The following ARIH2 variants were observed in gnomAD, a reference collection of about 807,000 sequenced individuals.
ARIH2 encodes ariadne RBR E3 ubiquitin protein ligase 2, also known as E3 ubiquitin-protein ligase ARIH2.
Under a neutral mutation model 79.8 loss-of-function variants are expected in ARIH2, and 12 were observed. The ratio of observed to expected loss-of-function variants is 0.15; its 90% CI spans 0.10 to 0.24. The LOEUF is 0.24. Ranked by LOEUF, ARIH2 falls within the 10% of genes least tolerant of loss-of-function variation. The pLI is 1.00. For synonymous variants in ARIH2, 224 were observed against 213.9 expected, an observed-to-expected ratio of 1.05 and a Z score of -0.41; for missense variants, 301 against 618.3, an observed-to-expected ratio of 0.49 and a Z score of 5.44.
chr3:48,929,239 G>T (rs1369196945), intron 3 of ARIH2, among the ~76,000 whole-genome samples: 2 of 152,124 alleles, frequency 1.3e-5, no homozygotes, highest in African/African-American at 4.8e-5. Flanking sequence ...CTATACACAA[G>T]AATTCTCAGA....
intron 1 of ARIH2, chr3:48,919,282 T>G: frequency 4.7e-6 from 5 of 1,071,368 alleles, no homozygotes; most frequent in Non-Finnish European, 6.0e-6. Flanking sequence ...CCTCTCTCCC[T>G]GTCTGGCGCG....
intron 3 of ARIH2, among the ~76,000 whole-genome samples, chr3:48,960,741 G>C (rs940450879): frequency 1.3e-5 from 2 of 149,670 alleles, no homozygotes; most frequent in Admixed American, 1.3e-4. Context: ...TCCAGCCTGG[G>C]TGACAAAGAC....
At position 48,980,430 on chromosome 3, in the gene ARIH2, C is replaced by G; in HGVS notation, c.1191C>G (p.Val397=). ...QRIHEKIQER[V]MNNLGTWIDW... is the part of the protein sequence containing the mutation. ...TTCACGAGAAGATTCAGGAGAGGGT[C>G]ATGAACAATCTGGGGACATGGATCG... Residue 397 remains valine, a synonymous_variant, in exon 13 of 16, where the codon GTC becomes GTG. Coordinates refer to ENST00000356401, the MANE Select transcript of ARIH2 (RefSeq NM_006321.4). 1 of 1,614,102 alleles carries G rather than the reference C, an allele frequency of 6.2e-7. No homozygotes were observed. The highest frequency in any genetic ancestry group is 8.5e-7 in the Non-Finnish European group (1 of 1,180,008).
Position 48,918,957 on chromosome 3 carries a change from C to T in ARIH2, c.-203C>T, listed in dbSNP as rs748917418. On this transcript the variant is annotated 5_prime_UTR_variant, in exon 1 of 16. Coordinates refer to ENST00000356401, the MANE Select transcript of ARIH2 (RefSeq NM_006321.4). ...TCCCTCTGGCCCGGCCTGACCCGGT[C>T]TGGCTTGTTCGGGCTCAGCGGCCGC... is the stretch of plus-strand genomic sequence containing the variant. 5 of 1,513,574 alleles carry T rather than the reference C, an allele frequency of 3.3e-6. No homozygotes were observed. The highest frequency in any genetic ancestry group is 3.7e-4 in the Middle Eastern group (2 of 5,376). 93.8% of individuals were successfully genotyped at this position (1,513,574 alleles called of 1,614,324 possible).
Position 48,918,868 on chromosome 3 carries a change from G to C in ARIH2, c.-292G>C, listed in dbSNP as rs2084280083. The C allele has an allele frequency of 1.2e-6, 2 of 1,610,286 alleles. No homozygotes were observed. Among genetic ancestry groups the C allele is most frequent in the Middle Eastern group, 1.7e-4 (1 of 5,996 alleles). ...GAGCTGTGGGGACGACTCTTCTGGA[G>C]GAAGCAGCGCGGGCTTGACCGGCGT... On this transcript the variant is annotated 5_prime_UTR_variant, in exon 1 of 16. Coordinates refer to ENST00000356401, the MANE Select transcript of ARIH2 (RefSeq NM_006321.4).
chr3:48,957,567 G>A (rs911197552), intron 3 of ARIH2, among the ~76,000 whole-genome samples: 1 of 152,130 alleles, frequency 6.6e-6, no homozygotes, highest in African/African-American at 2.4e-5. Context: ...GCTAGGACTT[G>A]GTGGTCATGC....
At chr3:48,963,478 C>T (rs970136997) in intron 4 of ARIH2, among the ~76,000 whole-genome samples, 10 of 152,168 alleles carry the variant, frequency 6.6e-5, no homozygotes, top group African/African-American at 2.4e-4. Context: ...TTTTCTGCTC[C>T]AATTCCTGGT....
At chr3:48,955,659 G>A (rs539538708) in intron 3 of ARIH2, among the ~76,000 whole-genome samples, 8 of 152,302 alleles carry the variant, frequency 5.3e-5, no homozygotes, top group Middle Eastern at 3.4e-3. Context: ...ATACTAGTTC[G>A]TTCCTTAGAA....
intron 7 of ARIH2, 66 bp downstream of exon 7, chr3:48,968,721 GTTAC>G (rs2091971759): frequency 1.7e-5 from 27 of 1,564,678 alleles, no homozygotes; most frequent in East Asian, 2.4e-5. Context: ...GGTCACCACA[GTTAC>G]TTACTTTGTA....
intron 3 of ARIH2, chr3:48,934,636 G>C: frequency 1.0e-6 from 1 of 985,378 alleles, no homozygotes; most frequent in Non-Finnish European, 1.2e-6. Context: ...TTGTTAACAT[G>C]TTTCACAGTG....
At chr3:48,938,963 A>G (rs2087610831) in intron 3 of ARIH2, among the ~76,000 whole-genome samples, 1 of 149,756 alleles carries the variant, frequency 6.7e-6, no homozygotes, top group Non-Finnish European at 1.5e-5. Context: ...AACAAAAGAA[A>G]CCCATTTATT....
intron 3 of ARIH2, among the ~76,000 whole-genome samples, chr3:48,936,461 C>T (rs1362110021): frequency 6.6e-6 from 1 of 152,212 alleles, no homozygotes; most frequent in East Asian, 1.9e-4. Flanking sequence ...CCACCAGGCA[C>T]AGTGGCTCAT....
chr3:48,929,557 T>C (rs183159902), intron 3 of ARIH2, among the ~76,000 whole-genome samples: 1 of 152,302 alleles, frequency 6.6e-6, no homozygotes, highest in East Asian at 1.9e-4. Context: ...ATGCCTTCTT[T>C]GGTCTGTGTC....
intron 7 of ARIH2, among the ~76,000 whole-genome samples, chr3:48,969,147 A>G (rs1288211224): frequency 6.6e-6 from 1 of 150,470 alleles, no homozygotes; most frequent in African/African-American, 2.4e-5. Flanking sequence ...TGCTGGGATT[A>G]CAGGCGTGAG....
Position 48,983,193 on chromosome 3 carries a change from A to T in ARIH2, c.1411-6A>T, listed in dbSNP as rs1415010585. On this transcript the variant is annotated splice_polypyrimidine_tract_variant and splice_region_variant and intron_variant, in intron 15 of 15. Transcript: ENST00000356401. ...TGCAAGCACACACCTTGTTTCTCTGATGCAGGACTTGGAGAACCAGATGCA... is the reference window on the plus strand; with the variant it reads ...TGCAAGCACACACCTTGTTTCTCTGTTGCAGGACTTGGAGAACCAGATGCA... 6 of 1,614,128 alleles carry T rather than the reference A, an allele frequency of 3.7e-6. No individual in the cohort carries two copies. Among genetic ancestry groups the T allele is most frequent in the Non-Finnish European group, 5.1e-6 (6 of 1,180,044 alleles).
At chr3:48,975,945 C>T (rs1472597646) in intron 11 of ARIH2, among the ~76,000 whole-genome samples, 1 of 151,862 alleles carries the variant, frequency 6.6e-6, no homozygotes, top group Non-Finnish European at 1.5e-5. Context: ...GAGTCTCAGT[C>T]TGTCGCCCAG....
intron 11 of ARIH2, among the ~76,000 whole-genome samples, chr3:48,976,163 T>A (rs1391381017): frequency 6.6e-6 from 1 of 151,208 alleles, no homozygotes; most frequent in African/African-American, 2.4e-5. Context: ...CCGCCTACCT[T>A]GGCCTCTTAA....
intron 7 of ARIH2, among the ~76,000 whole-genome samples, chr3:48,969,237 C>T (rs1197628265): frequency 6.6e-6 from 1 of 151,510 alleles, no homozygotes; most frequent in Non-Finnish European, 1.5e-5. Flanking sequence ...ACAGACCTCC[C>T]CACCTTATAC....
chr3:48,983,218 A>G lies in ARIH2; in HGVS notation c.1430A>G (p.His477Arg). ...YDRGDLENQMHIAEQRRRTLL... is the reference protein window; with the variant it reads ...YDRGDLENQMRIAEQRRRTLL... The stretch of plus-strand genomic sequence containing the variant: ...ATGCAGGACTTGGAGAACCAGATGC[A>G]TATAGCGGAGCAGCGGAGGAGAACC... Residue 477 changes from histidine (H) to arginine (R), a missense_variant, in exon 16 of 16, where the codon CAT becomes CGT. His to Arg is a conservative substitution (Grantham distance 29). Around this residue, in one of 2 missense-constraint regions of ARIH2, gnomAD observed 78 missense variants for 268.9 expected, o/e 0.29. Transcript: ENST00000356401. 6.2e-7 allele frequency: 1 copy of G among 1,614,258 alleles called. No individual in the cohort carries two copies. The highest frequency in any genetic ancestry group is 8.5e-7 in the Non-Finnish European group (1 of 1,180,046).
Sources: allele counts gnomAD v4.1 joint callset (sites outside exome capture counted in the v4.1 genomes callset), GRCh38; gene constraint gnomAD v4.1.1; regional missense constraint gnomAD v4.1.1; transcripts MANE v1.5; gene names NCBI Gene and HGNC (gene_info 2026-07-23, HGNC 2026-07-21).